Variants in PLEKHA8 observed in about 807,000 individuals in gnomAD.
PLEKHA8 encodes the protein pleckstrin homology domain containing A8, also known as pleckstrin homology domain-containing family A member 8.
Under a neutral mutation model 68.2 loss-of-function variants are expected in PLEKHA8, and 36 were observed. That is an observed-to-expected ratio of 0.53 (90% confidence interval 0.40 to 0.70). The LOEUF (loss-of-function observed/expected upper bound fraction) is 0.70, where lower values mean the gene tolerates loss of function less well. PLEKHA8 is among the 30% of genes least tolerant of loss of function. The probability of loss-of-function intolerance (pLI) is 0.00; values close to 1 mark genes in which losing one functional copy is unlikely to be tolerated. For synonymous variants in PLEKHA8, 211 were observed against 216.1 expected, an observed-to-expected ratio of 0.98 and a Z score of 0.20; for missense variants, 505 against 615.4, an observed-to-expected ratio of 0.82 and a Z score of 1.90.
intron 13 of PLEKHA8, chr7:30,115,959 CATGCATACATGTGCATGCATGCATGT>C (rs1431221770): frequency 2.0e-5 from 3 of 146,594 alleles, no homozygotes; most frequent in East Asian, 2.1e-4. Flanking sequence ...CGCATACATG[CATGCATACATGTGCATGCATGCATGT>C]ATGCATACGC....
intron 12 of PLEKHA8, among the ~76,000 whole-genome samples, chr7:30,073,771 T>A (rs1041602104): frequency 6.6e-6 from 1 of 152,190 alleles, no homozygotes; most frequent in East Asian, 1.9e-4. Context: ...GAGGATCACC[T>A]GAGCCCAGGA....
chr7:30,049,079 G>A, intron 4 of PLEKHA8, 145 bp from the exon 5 acceptor site: 1 of 901,180 alleles, frequency 1.1e-6, no homozygotes, highest in Non-Finnish European at 1.7e-6. Flanking sequence ...TAGATAAATT[G>A]GGCTTTTCTT....
intron 7 of PLEKHA8, among the ~76,000 whole-genome samples, chr7:30,054,036 C>T (rs970887383): frequency 2.0e-5 from 3 of 152,132 alleles, no homozygotes; most frequent in African/African-American, 7.2e-5. Flanking sequence ...TTCCATAAGG[C>T]ACATCACAGC....
chr7:30,057,455 G>A (rs1793085146), intron 9 of PLEKHA8, among the ~76,000 whole-genome samples: 1 of 150,934 alleles, frequency 6.6e-6, no homozygotes, highest in Admixed American at 6.6e-5. Context: ...TGTAGTTTGG[G>A]ACTCTTTTTT....
At chr7:30,127,721 T>C (rs886412753) in intron 13 of PLEKHA8, among the ~76,000 whole-genome samples, 1 of 152,216 alleles carries the variant, frequency 6.6e-6, no homozygotes, top group Admixed American at 6.5e-5. Context: ...CTTATAGGAA[T>C]GTAAAAAGTT....
intron 13 of PLEKHA8, among the ~76,000 whole-genome samples, 195 bp downstream of exon 13, chr7:30,074,327 TA>T (rs138706834): frequency 0.17 from 25,362 of 151,814 alleles, 2,152 homozygotes; most frequent in Middle Eastern, 0.22. Context: ...AAATGTTATT[TA>T]TTTCATTTAC....
intron 5 of PLEKHA8, 188 bp downstream of exon 5, chr7:30,049,570 C>A: frequency 3.0e-6 from 2 of 666,200 alleles, no homozygotes; most frequent in African/African-American, 1.8e-5. Flanking sequence ...GGCAATTTTA[C>A]CACCTAAACA....
At chr7:30,123,685 G>T (rs1437127646) in intron 13 of PLEKHA8, among the ~76,000 whole-genome samples, 2 of 152,184 alleles carry the variant, frequency 1.3e-5, no homozygotes. Flanking sequence ...AGCTGCTAGG[G>T]GTTGTCTTTT....
At chr7:30,047,344 C>T (rs907602571) in intron 3 of PLEKHA8, among the ~76,000 whole-genome samples, 4 of 152,166 alleles carry the variant, frequency 2.6e-5, no homozygotes, top group East Asian at 1.9e-4. Context: ...AGGCAGCATA[C>T]CAAACCAGTC....
At chr7:30,115,127 C>T (rs186790657) in intron 13 of PLEKHA8, among the ~76,000 whole-genome samples, 1 of 152,276 alleles carries the variant, frequency 6.6e-6, no homozygotes, top group East Asian at 1.9e-4. Flanking sequence ...GACTTCCTTT[C>T]TCTGTTGCCA....
At chr7:30,031,990 A>G (rs147378842) in intron 1 of PLEKHA8, among the ~76,000 whole-genome samples, 6 of 152,280 alleles carry the variant, frequency 3.9e-5, no homozygotes, top group South Asian at 2.1e-4. Context: ...AAAAGTTTAC[A>G]TGTATTTTCG....
chr7:30,033,982 T>G (rs1790853842), intron 1 of PLEKHA8, among the ~76,000 whole-genome samples: 1 of 151,296 alleles, frequency 6.6e-6, no homozygotes, highest in Non-Finnish European at 1.5e-5. Context: ...TTTGGGTTAT[T>G]TTTTCATTAC....
intron 1 of PLEKHA8, among the ~76,000 whole-genome samples, chr7:30,035,890 C>T (rs1049814581): frequency 2.6e-5 from 4 of 151,984 alleles, no homozygotes; most frequent in Non-Finnish European, 5.9e-5. Context: ...TCGTGATCCA[C>T]CCTTCTTGGC....
intron 13 of PLEKHA8, among the ~76,000 whole-genome samples, chr7:30,076,847 A>T (rs781753125): frequency 2.0e-5 from 3 of 152,190 alleles, no homozygotes; most frequent in Non-Finnish European, 4.4e-5. Flanking sequence ...AATTCATGTT[A>T]ACTAATCTCG....
chr7:30,078,947 C>T lies in PLEKHA8; in HGVS notation c.*160C>T, dbSNP rs1221150895. On this transcript the variant is annotated 3_prime_UTR_variant, in exon 14 of 14. Coordinates refer to ENST00000449726, the MANE Select transcript of PLEKHA8 (RefSeq NM_001197026.2). ...CAGTGCTTTTATAATTTTTAAAATG[C>T]ATATGTGTTTTGTTTAAAGATCAAG... The T allele has an allele frequency of 1.4e-6, 2 of 1,422,784 alleles. No individual in the cohort carries two copies. Among genetic ancestry groups the T allele is most frequent in the South Asian group, 1.6e-5 (1 of 63,596 alleles). The allele number at this position is 1,422,784 out of a possible 1,614,324, so 88.1% of individuals were successfully genotyped here. A position where few individuals can be genotyped will look rare whatever the true frequency, so the allele number is the denominator to read the frequency against.
chr7:30,093,161 C>T (rs911944878), downstream of PLEKHA8, among the ~76,000 whole-genome samples: 6 of 152,166 alleles, frequency 3.9e-5, no homozygotes, highest in African/African-American at 1.4e-4. Context: ...CAACTGGGGT[C>T]CAATTTCAGT....
chr7:30,123,850 C>T (rs1165889368), intron 13 of PLEKHA8, among the ~76,000 whole-genome samples: 2 of 152,164 alleles, frequency 1.3e-5, no homozygotes, highest in African/African-American at 4.8e-5. Context: ...AGTTACCTGA[C>T]CCAGTGCATT....
At chr7:30,046,722 T>A (rs919018349) in intron 3 of PLEKHA8, among the ~76,000 whole-genome samples, 10 of 152,154 alleles carry the variant, frequency 6.6e-5, no homozygotes, top group African/African-American at 2.4e-4. Flanking sequence ...TGAGAATTAG[T>A]GATGATAAAA....
At chr7:30,107,800 G>A (rs1796117482) in intron 13 of PLEKHA8, among the ~76,000 whole-genome samples, 1 of 152,064 alleles carries the variant, frequency 6.6e-6, no homozygotes, top group African/African-American at 2.4e-5. Context: ...TGGGCATGGT[G>A]GCTCATGCCT....
Sources: gnomAD v4.1 joint callset for allele counts (sites outside exome capture counted in the v4.1 genomes callset) on GRCh38, gnomAD v4.1.1 for gene constraint, MANE v1.5 for transcripts, NCBI Gene and HGNC (gene_info 2026-07-23, HGNC 2026-07-21) for gene names.